The following CFAP43 variants were observed in gnomAD, a reference collection of about 807,000 sequenced individuals.
The protein encoded by CFAP43 is cilia and flagella associated protein 43.
CFAP43 carries 155 observed loss-of-function variants against 218.9 expected under a neutral mutation model. The observed-to-expected ratio is 0.71, with a 90% CI of 0.62 to 0.81. The LOEUF is 0.81. CFAP43 is among the 30% of genes least tolerant of loss of function. The probability of loss-of-function intolerance (pLI) is 0.00; values close to 1 mark genes in which losing one functional copy is unlikely to be tolerated. For missense variants in CFAP43, 1,778 were observed against 1,954.3 expected (o/e 0.91, Z 1.70); for synonymous variants, 645 against 681.3 (o/e 0.95, Z 0.83).
At chr10:104,159,361 T>C (rs915973968) in intron 27 of CFAP43, among the ~76,000 whole-genome samples, 2 of 152,198 alleles carry the variant, frequency 1.3e-5, no homozygotes, top group African/African-American at 4.8e-5. Flanking sequence ...TAGAAAGAAC[T>C]CAAGCATTTC....
At chr10:104,209,154 A>G (rs1290370604) in intron 5 of CFAP43, among the ~76,000 whole-genome samples, 1 of 152,218 alleles carries the variant, frequency 6.6e-6, no homozygotes, top group East Asian at 1.9e-4. Flanking sequence ...GAATAGAATC[A>G]AGACATTTGA....
At position 104,161,127 on chromosome 10, in the gene CFAP43, A is replaced by G. The variant is rs143276654; in HGVS notation, c.3450T>C (p.Asp1150=). 3 of 1,613,722 alleles carry G rather than the reference A, an allele frequency of 1.9e-6. No homozygotes were observed. Among genetic ancestry groups the G allele is most frequent in the South Asian group, 1.1e-5 (1 of 91,036 alleles). The change falls in exon 27 of 38, where the codon GAT becomes GAC. Residue 1150 remains aspartate, a synonymous_variant. Transcript: ENST00000357060. The part of the protein sequence containing the change: ...IPQPAFMAKP[D]AVWTEEERKQ... ...TTCTTTCTTCTTCAGTCCACACAGC[A>G]TCAGGTTTTGCCATGAAAGCAGGTT...
intron 33 of CFAP43, 125 bp from the exon 34 acceptor site, chr10:104,141,126 T>A (rs2087686434): frequency 4.0e-6 from 4 of 994,058 alleles, no homozygotes; most frequent in Non-Finnish European, 5.8e-6. Context: ...GAGAATATTT[T>A]CCTGATGATG....
chr10:104,205,169 C>T (rs183458561), intron 7 of CFAP43, among the ~76,000 whole-genome samples: 5 of 140,872 alleles, frequency 3.5e-5, no homozygotes, highest in African/African-American at 1.1e-4. Flanking sequence ...GCCGAGATCG[C>T]GCCACTGTAC....
intron 19 of CFAP43, among the ~76,000 whole-genome samples, chr10:104,174,385 G>T (rs2089531400): frequency 6.6e-6 from 1 of 152,190 alleles, no homozygotes; most frequent in African/African-American, 2.4e-5. Context: ...GAGAGCTTGT[G>T]CAGGGAAACT....
At chr10:104,143,765 G>T in intron 31 of CFAP43, 126 bp from the exon 32 acceptor site, 1 of 899,120 alleles carries the variant, frequency 1.1e-6, no homozygotes, top group Non-Finnish European at 1.7e-6. Context: ...GTGATGGCTG[G>T]TAGGTGGGTT....
chr10:104,218,067 G>A (rs1227562068), intron 3 of CFAP43, among the ~76,000 whole-genome samples: 3 of 152,012 alleles, frequency 2.0e-5, no homozygotes, highest in Non-Finnish European at 4.4e-5. Context: ...GTGTTTCCAA[G>A]GCCGGGCGCA....
intron 14 of CFAP43, among the ~76,000 whole-genome samples, chr10:104,186,419 T>C (rs1192235477): frequency 6.6e-6 from 1 of 152,194 alleles, no homozygotes; most frequent in Non-Finnish European, 1.5e-5. Context: ...TTACTAATCA[T>C]TTTCACATAT....
chr10:104,216,084 T>G (rs1218073354), intron 3 of CFAP43, among the ~76,000 whole-genome samples: 2 of 152,152 alleles, frequency 1.3e-5, no homozygotes. Context: ...TCTATGTCTC[T>G]CCCCTCTCCT....
At chr10:104,180,222 CA>C (rs2089782321) in intron 17 of CFAP43, among the ~76,000 whole-genome samples, 1 of 152,156 alleles carries the variant, frequency 6.6e-6, no homozygotes, top group Non-Finnish European at 1.5e-5. Flanking sequence ...TGTTCCTGCC[CA>C]TCAGGGCCTG....
At chr10:104,140,814 T>G in intron 34 of CFAP43, 28 bp downstream of exon 34, 2 of 1,543,184 alleles carry the variant, frequency 1.3e-6, no homozygotes, top group Non-Finnish European at 8.8e-7. Flanking sequence ...AGACCTTGAA[T>G]TAAAATAAAA....
At chr10:104,159,802 A>G (rs558247454) in intron 27 of CFAP43, among the ~76,000 whole-genome samples, 20 of 152,304 alleles carry the variant, frequency 1.3e-4, no homozygotes, top group Non-Finnish European at 2.5e-4. Flanking sequence ...AGTAGGGTCC[A>G]CTGGACAGCA....
At chr10:104,163,742 C>A (rs189729415) in intron 24 of CFAP43, among the ~76,000 whole-genome samples, 1 of 152,180 alleles carries the variant, frequency 6.6e-6, no homozygotes, top group Non-Finnish European at 1.5e-5. Flanking sequence ...CTAATTCAGA[C>A]CAGCTACTTT....
chr10:104,148,077 A>G, intron 28 of CFAP43, 79 bp from the exon 29 acceptor site: 1 of 816,572 alleles, frequency 1.2e-6, no homozygotes, highest in Non-Finnish European at 1.8e-6. Flanking sequence ...GGCACTAATC[A>G]AGCAAGTTTA....
rs769123904 is a variant in CFAP43 at position 104,212,122 on chromosome 10, A to G, written c.620T>C (p.Phe207Ser). The G allele has an allele frequency of 1.2e-6, 2 of 1,614,048 alleles. No homozygotes were observed. The highest frequency in any genetic ancestry group is 8.5e-7 in the Non-Finnish European group (1 of 1,179,980). ...GGGGAAAACGACATCCGTTTCATTA[A>G]AAAATGACCCATCTTCTAGAGGTAA... is the stretch of plus-strand genomic sequence containing the variant. ...VKLPLEDGSF[F>S]NETDVVFPQS... Residue 207 changes from phenylalanine to serine, a missense_variant, in exon 5 of 38, where the codon TTT becomes TCT. By Grantham distance (155) the Phe-to-Ser change is radical (BLOSUM62 -2). Transcript: ENST00000357060.
chr10:104,182,317 T>C (rs2089873420), intron 17 of CFAP43, 49 bp downstream of exon 17: 1 of 1,478,276 alleles, frequency 6.8e-7, no homozygotes, highest in Non-Finnish European at 9.0e-7. Context: ...ACTTCTGATT[T>C]ACAAAGAAAG....
At chr10:104,216,177 G>A (rs2091006705) in intron 3 of CFAP43, among the ~76,000 whole-genome samples, 1 of 152,126 alleles carries the variant, frequency 6.6e-6, no homozygotes, top group South Asian at 2.1e-4. Context: ...CAGGATACCT[G>A]CATCCTGTCA....
At chr10:104,148,265 A>G (rs1228014141) in intron 28 of CFAP43, among the ~76,000 whole-genome samples, 2 of 152,114 alleles carry the variant, frequency 1.3e-5, no homozygotes, top group Non-Finnish European at 1.5e-5. Context: ...AAAGGCAAAC[A>G]CTCTTGTTAG....
intron 31 of CFAP43, among the ~76,000 whole-genome samples, chr10:104,144,617 C>T (rs680026): frequency 0.28 from 42,601 of 152,030 alleles, 8,602 homozygotes; most frequent in African/African-American, 0.58. Flanking sequence ...CCACTGCACT[C>T]CAGCCTGGGT....
Sources: gnomAD v4.1 joint callset for allele counts (sites outside exome capture counted in the v4.1 genomes callset) on GRCh38, gnomAD v4.1.1 for gene constraint, MANE v1.5 for transcripts, NCBI Gene and HGNC (gene_info 2026-07-23, HGNC 2026-07-21) for gene names.